The following ANGPTL6 variants were observed in gnomAD, a reference collection of about 807,000 sequenced individuals.
The protein encoded by ANGPTL6 is angiopoietin like 6.
ANGPTL6 carries 45 observed loss-of-function variants against 47.4 expected under a neutral mutation model. That is an observed-to-expected ratio of 0.95 (90% confidence interval 0.75 to 1.22). ANGPTL6 has a LOEUF of 1.22. Ranked by LOEUF, ANGPTL6 falls within the 50% of genes most tolerant of loss-of-function variation. The pLI is 0.00. For missense variants in ANGPTL6, 698 were observed against 669.4 expected (o/e 1.04, Z -0.47); for synonymous variants, 290 against 295.9 (o/e 0.98, Z 0.20).
In ANGPTL6 at chr19:10,093,618, G is replaced by T. The variant is rs777242716; in HGVS notation, c.953C>A (p.Ala318Glu). 1 of 1,613,246 alleles carries T rather than the reference G, an allele frequency of 6.2e-7. No homozygotes were observed. Among genetic ancestry groups the T allele is most frequent in the Non-Finnish European group, 8.5e-7 (1 of 1,179,360 alleles). The change falls in exon 5 of 6, where the codon GCG becomes GAG. Residue 318 changes from alanine to glutamate, a missense_variant and splice_region_variant. Ala to Glu is a moderately radical substitution (Grantham distance 107). Coordinates refer to ENST00000253109, the MANE Select transcript of ANGPTL6 (RefSeq NM_031917.3). ...TTCTCCGTCTGGCCGCCCAAAGCCCGCCTGGCAGGGCAGGAAAGTCAGGAA... is the reference window on the plus strand; with the variant it reads ...TTCTCCGTCTGGCCGCCCAAAGCCCTCCTGGCAGGGCAGGAAAGTCAGGAA... Reference protein sequence around the residue: ...NFFTTWQHYKAGFGRPDGEYW... With the variant: ...NFFTTWQHYKEGFGRPDGEYW...
At chr19:10,100,607 A>G (rs1340341867) in intron 1 of ANGPTL6, among the ~76,000 whole-genome samples, 2 of 152,204 alleles carry the variant, frequency 1.3e-5, no homozygotes, top group African/African-American at 4.8e-5. Context: ...ACATTGCCTC[A>G]TTCATGCATT....
At chr19:10,093,057 C>A in intron 5 of ANGPTL6, 1 of 490,072 alleles carries the variant, frequency 2.0e-6, no homozygotes, top group Non-Finnish European at 3.6e-6. Flanking sequence ...ATTCCTTTAT[C>A]AAAGAAAAGT....
chr19:10,096,110 G>A lies in ANGPTL6; in HGVS notation c.454C>T (p.Arg152Cys), dbSNP rs2088522868. Residue 152 changes from arginine (R) to cysteine (C), a missense_variant, in exon 2 of 6, where the codon CGC (arginine) becomes TGC (cysteine). Physicochemically the swap from Arg to Cys is radical, Grantham distance 180. Transcript: ENST00000253109. Reference sequence around the variant, plus strand: ...AGCTGGTGGAACCGGGCGGCTGCGCGCTGAGCCTCGGCGGACGCGTTGAGC... The same window carrying A: ...AGCTGGTGGAACCGGGCGGCTGCGCACTGAGCCTCGGCGGACGCGTTGAGC... Reference protein sequence around the residue: ...RVLNASAEAQRAAARFHQLDV... With the variant: ...RVLNASAEAQCAAARFHQLDV... 3 of 1,478,338 alleles carry A rather than the reference G, an allele frequency of 2.0e-6. No individual in the cohort carries two copies. The highest frequency in any genetic ancestry group is 2.7e-6 in the Non-Finnish European group (3 of 1,116,316). The allele number at this position is 1,478,338 out of a possible 1,614,324, so 91.6% of individuals were successfully genotyped here.
intron 1 of ANGPTL6, among the ~76,000 whole-genome samples, chr19:10,098,893 A>G (rs1038173571): frequency 2.0e-5 from 3 of 151,950 alleles, no homozygotes; most frequent in African/African-American, 7.3e-5. Flanking sequence ...CGTCTCACTA[A>G]CTGCCTTCCC....
At chr19:10,097,847 C>T (rs2088586444) in intron 1 of ANGPTL6, among the ~76,000 whole-genome samples, 1 of 120,712 alleles carries the variant, frequency 8.3e-6, no homozygotes, top group African/African-American at 2.9e-5. Flanking sequence ...AGCGAGACTC[C>T]ATCTCAAAAA....
chr19:10,102,731 G>C (rs2088713419), upstream of ANGPTL6: 1 of 984,628 alleles, frequency 1.0e-6, no homozygotes, highest in African/African-American at 1.7e-5. Context: ...CCCAGAGCCT[G>C]GGAGTGGAGC....
rs578023035 is a variant in ANGPTL6 at position 10,094,817 on chromosome 19, T to C, written c.704A>G (p.Gln235Arg). 11 of 1,614,236 alleles carry C rather than the reference T, an allele frequency of 6.8e-6. No homozygotes were observed. The African/African-American group carries it at 1.3e-4, about 20-fold the overall frequency. ...AGGCATGGGAGAAGCCATGGGCTCC[T>C]GCTGTCTCTGGGTCTGGTCTCTCTG... ...EPQRDQTQRQ[Q>R]EPMASPMPAG... Residue 235 changes from glutamine to arginine, a missense_variant, in exon 3 of 6, where the codon CAG becomes CGG. Coordinates refer to ENST00000253109, the MANE Select transcript of ANGPTL6 (RefSeq NM_031917.3).
At chr19:10,095,933 A>G in intron 2 of ANGPTL6, 49 bp downstream of exon 2, 2 of 1,129,974 alleles carry the variant, frequency 1.8e-6, no homozygotes, top group South Asian at 3.8e-5. Flanking sequence ...GGGTTGCAAA[A>G]CCCCCATTTC....
At chr19:10,102,482 G>A in intron 1 of ANGPTL6, 86 bp downstream of exon 1, 1 of 845,542 alleles carries the variant, frequency 1.2e-6, no homozygotes, top group Non-Finnish European at 1.4e-6. Context: ...GGGGTGGCGG[G>A]GTGGCCTGGG....
Position 10,096,000 on chromosome 19 carries a change from G to A in ANGPTL6, c.564C>T (p.Gly188=). 7.4e-7 allele frequency: 1 copy of A among 1,344,182 alleles called. No individual in the cohort carries two copies. The highest frequency in any genetic ancestry group is 9.6e-7 in the Non-Finnish European group (1 of 1,043,114). The allele number at this position is 1,344,182 out of a possible 1,614,324, so 83.3% of individuals were successfully genotyped here. The part of the protein sequence containing the change: ...IARLERLCPG[G]AGGQQQVLPP... ...AGGTTACCTGCTGCTGCCCGCCCGC[G>A]CCTCCCGGGCACAGGCGCTCCAGGC... The change falls in exon 2 of 6, where the codon GGC becomes GGT. Residue 188 remains glycine (G), a synonymous_variant. Coordinates refer to ENST00000253109, the MANE Select transcript of ANGPTL6 (RefSeq NM_031917.3).
chr19:10,096,391 T>A lies in ANGPTL6; in HGVS notation c.173A>T (p.Asn58Ile). Residue 58 changes from asparagine to isoleucine, a missense_variant, in exon 2 of 6, where the codon AAC (asparagine) becomes ATC (isoleucine). Transcript: ENST00000253109. ...GCGCAGCGCCGCCAGCTCGCTGGCG[T>A]TGGCGGCCTCGGGCGTCGCCCGCGT... ...ASTRATPEAA[N>I]ASELAALRMR... 3.8e-6 allele frequency: 5 copies of A among 1,303,826 alleles called. No homozygotes were observed. The highest frequency in any genetic ancestry group is 4.9e-6 in the Non-Finnish European group (5 of 1,030,906). 80.8% of individuals were successfully genotyped at this position (1,303,826 alleles called of 1,614,324 possible). A position where few individuals can be genotyped will look rare whatever the true frequency, so the allele number is the denominator to read the frequency against.
Position 10,096,409 on chromosome 19 carries a change from G to C in ANGPTL6, c.155C>G (p.Ala52Gly). 7.6e-7 allele frequency: 1 copy of C among 1,319,186 alleles called. No homozygotes were observed. The highest frequency in any genetic ancestry group is 9.6e-7 in the Non-Finnish European group (1 of 1,038,892). The allele number at this position is 1,319,186 out of a possible 1,614,324, so 81.7% of individuals were successfully genotyped here. A position where few individuals can be genotyped will look rare whatever the true frequency, so the allele number is the denominator to read the frequency against. ...GCTGGCGTTGGCGGCCTCGGGCGTC[G>C]CCCGCGTGGATGCGGGGCCGCTCCA... Reference protein sequence around the residue: ...VCWSGPASTRATPEAANASEL... With the variant: ...VCWSGPASTRGTPEAANASEL... The change falls in exon 2 of 6, where the codon GCG becomes GGG. Residue 52 changes from alanine to glycine, a missense_variant. Ala to Gly is a moderately conservative substitution (Grantham distance 60). Transcript: ENST00000253109.
At chr19:10,104,843 C>T (rs2088777934), upstream of ANGPTL6, among the ~76,000 whole-genome samples, 1 of 152,146 alleles carries the variant, frequency 6.6e-6, no homozygotes, top group Non-Finnish European at 1.5e-5. Flanking sequence ...CAGTAGTGCA[C>T]AGATACAAAA....
At chr19:10,105,835 G>A (rs1424745843), upstream of ANGPTL6, among the ~76,000 whole-genome samples, 3 of 152,226 alleles carry the variant, frequency 2.0e-5, no homozygotes, top group Non-Finnish European at 2.9e-5. Context: ...TTCACGAAAC[G>A]CCCGCCTTGC....
At chr19:10,093,230 CT>C in intron 5 of ANGPTL6, 118 bp downstream of exon 5, 1 of 1,329,234 alleles carries the variant, frequency 7.5e-7, no homozygotes, top group Non-Finnish European at 1.0e-6. Flanking sequence ...GGAATAAAAG[CT>C]TGCTTATCCT....
chr19:10,092,351 T>A lies in ANGPTL6; in HGVS notation c.*238A>T. ...CCAGACACGGTCTGTGGCTACTTTGTGTTATTATAAGATATGAGCTCAAAC... is the reference window on the plus strand; with the variant it reads ...CCAGACACGGTCTGTGGCTACTTTGAGTTATTATAAGATATGAGCTCAAAC... On this transcript the variant is annotated 3_prime_UTR_variant, in exon 6 of 6. Coordinates refer to ENST00000253109, the MANE Select transcript of ANGPTL6 (RefSeq NM_031917.3). 6.5e-7 allele frequency: 1 copy of A among 1,546,638 alleles called. No homozygotes were observed. Among genetic ancestry groups the A allele is most frequent in the Non-Finnish European group, 8.7e-7 (1 of 1,147,028 alleles).
At chr19:10,098,075 A>G (rs1386462251) in intron 1 of ANGPTL6, among the ~76,000 whole-genome samples, 1 of 151,278 alleles carries the variant, frequency 6.6e-6, no homozygotes, top group Non-Finnish European at 1.5e-5. Context: ...AATTTTCTGT[A>G]TAGTCAGGGT....
intron 3 of ANGPTL6, chr19:10,094,408 A>C (rs1362511298): frequency 3.1e-5 from 9 of 292,898 alleles, no homozygotes; most frequent in Non-Finnish European, 5.1e-5. Flanking sequence ...GGCCTCCCAA[A>C]GTGCTGGGAT....
upstream of ANGPTL6, among the ~76,000 whole-genome samples, chr19:10,105,096 G>A (rs1463345893): frequency 6.6e-6 from 1 of 152,210 alleles, no homozygotes; most frequent in Non-Finnish European, 1.5e-5. Context: ...CGCCGGGAGA[G>A]TCACCTCCTT....
Sources: allele counts gnomAD v4.1 joint callset (sites outside exome capture counted in the v4.1 genomes callset), GRCh38; gene constraint gnomAD v4.1.1; transcripts MANE v1.5; gene names NCBI Gene and HGNC (gene_info 2026-07-23, HGNC 2026-07-21).